TMEM260: variants seen among roughly 807,000 people sequenced by gnomAD.
TMEM260 encodes the protein transmembrane protein 260.
TMEM260 carries 82 observed loss-of-function variants against 88.9 expected under a neutral mutation model. The ratio of observed to expected loss-of-function variants is 0.92; its 90% CI spans 0.77 to 1.11. TMEM260 has a LOEUF of 1.11. Among genes scored for constraint, TMEM260 ranks in the 50% least tolerant of loss-of-function variants. The pLI is 0.00. For missense variants in TMEM260, 902 were observed against 853.4 expected (o/e 1.06, Z -0.71); for synonymous variants, 314 against 309.3 (o/e 1.02, Z -0.16).
chr14:56,617,692 A>G (rs1015028547), intron 9 of TMEM260, among the ~76,000 whole-genome samples: 27 of 152,088 alleles, frequency 1.8e-4, no homozygotes, highest in African/African-American at 3.9e-4. Flanking sequence ...CAAAAGAGCA[A>G]CCGTATTTCT....
chr14:56,581,665 G>A (rs192824769), intron 1 of TMEM260, among the ~76,000 whole-genome samples: 56 of 152,318 alleles, frequency 3.7e-4, no homozygotes, highest in Middle Eastern at 3.4e-3. Context: ...TATATGGGTT[G>A]TTGTTTTAAC....
chr14:56,593,748 C>T (rs1375649860), intron 3 of TMEM260, among the ~76,000 whole-genome samples: 3 of 120,162 alleles, frequency 2.5e-5, no homozygotes, highest in East Asian at 5.4e-4. Flanking sequence ...AGTGCAGTGG[C>T]GGAATCTCGG....
intron 10 of TMEM260, among the ~76,000 whole-genome samples, chr14:56,619,079 A>T (rs998992476): frequency 2.0e-4 from 31 of 152,340 alleles, no homozygotes; most frequent in African/African-American, 7.2e-4. Flanking sequence ...CTAAAATACC[A>T]CTTAGATGGA....
chr14:56,618,988 C>T (rs1887749929), intron 10 of TMEM260, among the ~76,000 whole-genome samples: 1 of 152,008 alleles, frequency 6.6e-6, no homozygotes, highest in Non-Finnish European at 1.5e-5. Flanking sequence ...TTAGGTGGTG[C>T]GTGTAGACAA....
chr14:56,641,949 CAAG>C (rs983219170), intron 15 of TMEM260, among the ~76,000 whole-genome samples: 64 of 152,306 alleles, frequency 4.2e-4, no homozygotes, highest in Admixed American at 1.2e-3. Flanking sequence ...ATCAATTCAA[CAAG>C]AAGAACTAAC....
At chr14:56,653,360 A>C (rs1890239922), downstream of TMEM260, among the ~76,000 whole-genome samples, 1 of 152,124 alleles carries the variant, frequency 6.6e-6, no homozygotes, top group South Asian at 2.1e-4. Context: ...GAAATTGATA[A>C]ATGTGTGTAG....
intron 15 of TMEM260, among the ~76,000 whole-genome samples, chr14:56,642,354 TCACTCAAAAC>T (rs1156440511): frequency 6.6e-6 from 1 of 151,992 alleles, no homozygotes; most frequent in Non-Finnish European, 1.5e-5. Context: ...ATTAAGAAAC[TCACTCAAAAC>T]CACTCAACTA....
chr14:56,621,805 A>G, intron 11 of TMEM260, 103 bp downstream of exon 11: 1 of 938,576 alleles, frequency 1.1e-6, no homozygotes, highest in East Asian at 2.6e-5. Flanking sequence ...AGTTTTCATG[A>G]TCACTGTTAG....
intron 15 of TMEM260, among the ~76,000 whole-genome samples, 187 bp from the exon 16 acceptor site, chr14:56,647,056 C>G (rs2139662266): frequency 6.6e-6 from 1 of 152,162 alleles, no homozygotes; most frequent in South Asian, 2.1e-4. Context: ...GCATATTTGC[C>G]TCCTGCTACT....
downstream of TMEM260, among the ~76,000 whole-genome samples, chr14:56,651,857 T>C (rs1890213103): frequency 1.3e-5 from 2 of 152,242 alleles, no homozygotes; most frequent in Admixed American, 1.3e-4. Context: ...ATCATTAAGT[T>C]CATAAACGTT....
At chr14:56,643,536 A>G (rs986624080) in intron 15 of TMEM260, among the ~76,000 whole-genome samples, 9 of 152,238 alleles carry the variant, frequency 5.9e-5, no homozygotes, top group South Asian at 2.1e-4. Flanking sequence ...ATCTATGACA[A>G]ACCCACAGCC....
intron 12 of TMEM260, among the ~76,000 whole-genome samples, chr14:56,629,547 T>C (rs1888452769): frequency 6.6e-6 from 1 of 152,194 alleles, no homozygotes; most frequent in Admixed American, 6.5e-5. Context: ...AATCCTGATA[T>C]TCCACATTTT....
At chr14:56,596,853 G>A (rs1297504233) in intron 3 of TMEM260, among the ~76,000 whole-genome samples, 2 of 148,304 alleles carry the variant, frequency 1.3e-5, no homozygotes, top group South Asian at 4.2e-4. Context: ...ATTATCAATA[G>A]TCCAAAAATA....
At chr14:56,662,100 G>A in the TMEM260 span, among the ~76,000 whole-genome samples, 3 of 152,172 alleles carry the variant, frequency 2.0e-5, no homozygotes, top group Admixed American at 2.0e-4. Context: ...ATCCCAAGTG[G>A]CAAGAGCCAT....
intron 11 of TMEM260, among the ~76,000 whole-genome samples, chr14:56,623,836 C>T (rs559676032): frequency 1.0e-3 from 156 of 152,244 alleles, no homozygotes; most frequent in African/African-American, 3.4e-3. Context: ...TAATGTCTTA[C>T]ATAAGACAAG....
chr14:56,636,653 G>C, intron 15 of TMEM260, 55 bp downstream of exon 15: 1 of 1,458,344 alleles, frequency 6.9e-7, no homozygotes, highest in Non-Finnish European at 9.6e-7. Flanking sequence ...AGGTGATGGT[G>C]ATTGTTCAGA....
chr14:56,644,593 C>T (rs1380328715), intron 15 of TMEM260, among the ~76,000 whole-genome samples: 3 of 152,144 alleles, frequency 2.0e-5, no homozygotes, highest in Non-Finnish European at 4.4e-5. Flanking sequence ...TAGGCATGGG[C>T]AAGGACTTCA....
At chr14:56,659,893 A>G in the TMEM260 span, among the ~76,000 whole-genome samples, 1 of 152,218 alleles carries the variant, frequency 6.6e-6, no homozygotes, top group East Asian at 1.9e-4. Context: ...CCTGCCACGT[A>G]CTGAGTTTTG....
the TMEM260 span, among the ~76,000 whole-genome samples, chr14:56,662,179 A>T: frequency 6.6e-6 from 1 of 152,226 alleles, no homozygotes; most frequent in Non-Finnish European, 1.5e-5. Flanking sequence ...TCAGATAGCT[A>T]CTTTTCTTGT....
Sources: allele counts gnomAD v4.1 joint callset (sites outside exome capture counted in the v4.1 genomes callset), GRCh38; gene constraint gnomAD v4.1.1; transcripts MANE v1.5; gene names NCBI Gene and HGNC (gene_info 2026-07-23, HGNC 2026-07-21).